SIK2: variants seen among roughly 807,000 people sequenced by gnomAD.
The protein encoded by SIK2 is salt inducible kinase 2, also known as serine/threonine-protein kinase SIK2.
Under a neutral mutation model 103.2 loss-of-function variants are expected in SIK2, and 29 were observed. The ratio of observed to expected loss-of-function variants is 0.28; its 90% CI spans 0.21 to 0.38. The LOEUF (loss-of-function observed/expected upper bound fraction) is 0.38. SIK2 is among the 10% of genes least tolerant of loss of function. The pLI, the probability that SIK2 is intolerant of heterozygous loss-of-function variation, is 1.00. For missense variants in SIK2, 879 were observed against 1,171.0 expected, an observed-to-expected ratio of 0.75 and a Z score of 3.64; for synonymous variants, 412 against 446.1, an observed-to-expected ratio of 0.92 and a Z score of 0.96.
intron 3 of SIK2, 27 bp downstream of exon 3, chr11:111,620,429 T>G (rs762330062): frequency 1.4e-6 from 2 of 1,476,424 alleles, no homozygotes; most frequent in Non-Finnish European, 1.9e-6. Flanking sequence ...AAATTTTCTA[T>G]TAATTTGAAA....
chr11:111,666,930 CTTT>C (rs1175108344), intron 3 of SIK2, among the ~76,000 whole-genome samples: 1 of 150,976 alleles, frequency 6.6e-6, no homozygotes, highest in African/African-American at 2.4e-5. Context: ...TAGTCATTAT[CTTT>C]TTTATTTTAT....
chr11:111,694,430 G>C lies in SIK2; in HGVS notation c.478+6268G>C, dbSNP rs141611467. ...CACGAGTCACTTGTCTTTAGCCCAA[G>C]AGGAATGCTTCCTTTCTGATTTGAG... On this transcript the variant is annotated intron_variant, in intron 4 of 14. Coordinates refer to ENST00000304987, the MANE Select transcript of SIK2 (RefSeq NM_015191.3). Among the ~76,000 whole-genome samples the C allele has an allele frequency of 2.1e-3, 317 of 152,190 alleles. 1 individual carries two copies. The highest frequency in any genetic ancestry group is 7.1e-3 in the African/African-American group (296 of 41,526).
At chr11:111,635,735 T>C (rs1216643458) in intron 3 of SIK2, among the ~76,000 whole-genome samples, 1 of 152,270 alleles carries the variant, frequency 6.6e-6, no homozygotes, top group Non-Finnish European at 1.5e-5. Flanking sequence ...AGTCCATTTT[T>C]CCTGGTAACC....
At chr11:111,623,975 T>C (rs553743063) in intron 3 of SIK2, among the ~76,000 whole-genome samples, 1 of 152,354 alleles carries the variant, frequency 6.6e-6, no homozygotes, top group African/African-American at 2.4e-5. Context: ...TGGTCTCGCC[T>C]CATTTGTCAC....
At chr11:111,619,948 G>A (rs1306691160) in intron 2 of SIK2, among the ~76,000 whole-genome samples, 1 of 152,186 alleles carries the variant, frequency 6.6e-6, no homozygotes, top group African/African-American at 2.4e-5. Flanking sequence ...TCAGTGAGGA[G>A]ATGTTGAAAA....
At chr11:111,675,840 T>C (rs1184528461) in intron 3 of SIK2, among the ~76,000 whole-genome samples, 2 of 152,168 alleles carry the variant, frequency 1.3e-5, no homozygotes, top group Non-Finnish European at 2.9e-5. Flanking sequence ...ATATACAAAT[T>C]ATTTTGTCAG....
rs1057072975 is a variant in SIK2, at chr11:111,705,297, C to T, written c.1101+158C>T. 4.6e-5 allele frequency among the ~76,000 whole-genome samples: 7 copies of T among 152,180 alleles called. No homozygotes were observed. Among genetic ancestry groups the T allele is most frequent in the African/African-American group, 1.2e-4 (5 of 41,438 alleles). Reference sequence around the variant, plus strand: ...TTCACTAGATTCTCAAATGTTTTAGCACTTCCTCATTTTTAAGGGTTAACT... The same window carrying T: ...TTCACTAGATTCTCAAATGTTTTAGTACTTCCTCATTTTTAAGGGTTAACT... On this transcript the variant is annotated intron_variant, in intron 8 of 14. Coordinates refer to ENST00000304987, the MANE Select transcript of SIK2 (RefSeq NM_015191.3). This position sits in a 1 kb window ranked among gnomAD's most constrained non-coding sequence, Gnocchi z 4.3.
chr11:111,637,280 C>T (rs1481478768), intron 3 of SIK2, among the ~76,000 whole-genome samples: 1 of 151,644 alleles, frequency 6.6e-6, no homozygotes, highest in African/African-American at 2.4e-5. Context: ...TAAAATAACA[C>T]TCTTTTTTCA....
At chr11:111,652,729 T>A (rs1386159504) in intron 3 of SIK2, among the ~76,000 whole-genome samples, 1 of 152,234 alleles carries the variant, frequency 6.6e-6, no homozygotes, top group African/African-American at 2.4e-5. Context: ...TCATCTTGTA[T>A]GTCTTTTCTC....
At chr11:111,612,102 T>A (rs939620179) in intron 1 of SIK2, among the ~76,000 whole-genome samples, 6 of 152,220 alleles carry the variant, frequency 3.9e-5, no homozygotes, top group Admixed American at 1.3e-4. Context: ...CAACAGATGC[T>A]GTGTAATGTA....
chr11:111,611,119 C>A (rs982165499), intron 1 of SIK2, among the ~76,000 whole-genome samples: 1 of 140,318 alleles, frequency 7.1e-6, no homozygotes, highest in African/African-American at 2.8e-5. Flanking sequence ...TGTGTGTGTG[C>A]ACACCTGTAG....
chr11:111,603,806 C>G (rs1214295542), intron 1 of SIK2, among the ~76,000 whole-genome samples: 1 of 152,162 alleles, frequency 6.6e-6, no homozygotes, highest in African/African-American at 2.4e-5. Context: ...AGTTTTGGTC[C>G]TATTCTGCTT....
rs141432839 is a variant in SIK2 at position 111,722,096 on chromosome 11, C to T, written c.2055+156C>T. Among the ~76,000 whole-genome samples the T allele has an allele frequency of 9.1e-4, 138 of 152,284 alleles. No individual in the cohort carries two copies. The highest frequency in any genetic ancestry group is 3.2e-3 in the African/African-American group (132 of 41,566). Reference sequence around the variant, plus strand: ...ACTCTGTACTTGGAGTTTCTAGAAACGTGTTCAGATCTAGCTTTGTGCTGT... The same window carrying T: ...ACTCTGTACTTGGAGTTTCTAGAAATGTGTTCAGATCTAGCTTTGTGCTGT... On this transcript the variant is annotated intron_variant, in intron 13 of 14. Coordinates refer to ENST00000304987, the MANE Select transcript of SIK2 (RefSeq NM_015191.3). This position sits in a 1 kb window ranked among gnomAD's most constrained non-coding sequence, Gnocchi z 4.4.
intron 3 of SIK2, among the ~76,000 whole-genome samples, chr11:111,635,885 GGA>G (rs1382871744): frequency 6.6e-6 from 1 of 152,202 alleles, no homozygotes; most frequent in Non-Finnish European, 1.5e-5. Context: ...TACAGTGAAG[GGA>G]GAGAGAGAAG....
intron 1 of SIK2, among the ~76,000 whole-genome samples, chr11:111,611,868 G>A (rs1941731572): frequency 6.6e-6 from 1 of 152,168 alleles, no homozygotes; most frequent in South Asian, 2.1e-4. Flanking sequence ...GATATAGAGA[G>A]GAAGTTCCCA....
intron 3 of SIK2, among the ~76,000 whole-genome samples, chr11:111,686,770 CAT>C (rs2135892408): frequency 6.6e-6 from 1 of 152,276 alleles, no homozygotes; most frequent in Admixed American, 6.5e-5. Context: ...AAGATTATAA[CAT>C]TGCATAAAGA....
intron 10 of SIK2, 75 bp downstream of exon 10, chr11:111,720,078 G>A (rs938091204): frequency 3.2e-5 from 46 of 1,433,554 alleles, no homozygotes; most frequent in Admixed American, 9.8e-5. Context: ...AAGTGGTCAC[G>A]ATGCCAGCCA....
At chr11:111,664,972 A>G (rs1363519285) in intron 3 of SIK2, among the ~76,000 whole-genome samples, 1 of 152,144 alleles carries the variant, frequency 6.6e-6, no homozygotes, top group African/African-American at 2.4e-5. Context: ...TTCCATTTAC[A>G]GTGGCTCTAA....
At chr11:111,675,211 A>G (rs752189928) in intron 3 of SIK2, among the ~76,000 whole-genome samples, 20 of 152,154 alleles carry the variant, frequency 1.3e-4, no homozygotes, top group Non-Finnish European at 2.2e-4. Flanking sequence ...TGCTTTTCTC[A>G]TGGTAGATGA....
Sources: gnomAD v4.1 joint callset for allele counts (sites outside exome capture counted in the v4.1 genomes callset) on GRCh38, gnomAD v4.1.1 for gene constraint, Gnocchi (gnomAD v3.1) non-coding constraint, MANE v1.5 for transcripts, NCBI Gene and HGNC (gene_info 2026-07-23, HGNC 2026-07-21) for gene names.